The following SRRM4 variants were observed in gnomAD, a reference collection of about 807,000 sequenced individuals.
SRRM4 encodes the protein serine/arginine repetitive matrix protein 4.
A neutral mutation model predicts 68.9 loss-of-function variants in SRRM4; 33 were observed. The observed-to-expected ratio is 0.48, with a 90% CI of 0.36 to 0.64. The LOEUF (loss-of-function observed/expected upper bound fraction) is 0.64, where lower values mean the gene tolerates loss of function less well. SRRM4 is among the 30% of genes least tolerant of loss of function. SRRM4 has a pLI of 0.00. For synonymous variants in SRRM4, 318 were observed against 318.8 expected, an observed-to-expected ratio of 1.00 and a Z score of 0.03; for missense variants, 817 against 827.1, an observed-to-expected ratio of 0.99 and a Z score of 0.15.
intron 5 of SRRM4, among the ~76,000 whole-genome samples, chr12:119,120,904 G>T (rs1228019943): frequency 1.3e-5 from 2 of 152,182 alleles, no homozygotes; most frequent in Non-Finnish European, 2.9e-5. Context: ...GTAGACAGAG[G>T]GTAAGGGGAG....
chr12:119,054,288 A>C (rs192097180), intron 1 of SRRM4, among the ~76,000 whole-genome samples: 1 of 152,230 alleles, frequency 6.6e-6, no homozygotes, highest in Non-Finnish European at 1.5e-5. Flanking sequence ...TCCATGTAAC[A>C]GTAACACTTT....
At chr12:119,096,326 C>A (rs1025553420) in intron 1 of SRRM4, among the ~76,000 whole-genome samples, 1 of 152,036 alleles carries the variant, frequency 6.6e-6, no homozygotes. Context: ...AGCCACCACG[C>A]CCGGCCTCTC....
intron 1 of SRRM4, among the ~76,000 whole-genome samples, chr12:119,031,508 C>T (rs561034474): frequency 1.3e-5 from 2 of 152,238 alleles, no homozygotes; most frequent in Non-Finnish European, 2.9e-5. Context: ...TATTAGGGAT[C>T]ATCTTGGAGT....
At chr12:119,146,885 G>C (rs967722581) in intron 9 of SRRM4, among the ~76,000 whole-genome samples, 1 of 151,574 alleles carries the variant, frequency 6.6e-6, no homozygotes, top group East Asian at 1.9e-4. Context: ...GCAGTGAGCC[G>C]AGATTGCGCC....
intron 4 of SRRM4, among the ~76,000 whole-genome samples, chr12:119,118,698 T>G (rs1954198167): frequency 6.6e-6 from 1 of 152,192 alleles, no homozygotes; most frequent in African/African-American, 2.4e-5. Context: ...GCTGAGCAGC[T>G]CCTCCCAATT....
chr12:119,118,033 G>C (rs1050790386), intron 4 of SRRM4, among the ~76,000 whole-genome samples: 9 of 152,182 alleles, frequency 5.9e-5, no homozygotes, highest in Admixed American at 5.9e-4. Flanking sequence ...CAGTTTTCTA[G>C]TTCCTCTGTA....
chr12:119,046,737 C>G lies in SRRM4; in HGVS notation c.132-55499C>G, dbSNP rs117743656. Among the ~76,000 whole-genome samples, 458 of 152,274 alleles carry G rather than the reference C, an allele frequency of 3.0e-3. 1 individual carries two copies. Among genetic ancestry groups the G allele is most frequent in the Middle Eastern group, 0.014 (4 of 294 alleles). On this transcript the variant is annotated intron_variant, in intron 1 of 12. Coordinates refer to ENST00000267260, the MANE Select transcript of SRRM4 (RefSeq NM_194286.4). Reference sequence around the variant, plus strand: ...TCCAATCTCTCTGAAACATCTTGAACACTGATGATATGGCCCTTATTTAGT... The same window carrying G: ...TCCAATCTCTCTGAAACATCTTGAAGACTGATGATATGGCCCTTATTTAGT...
At chr12:119,148,459 G>A (rs1954417909) in intron 9 of SRRM4, among the ~76,000 whole-genome samples, 1 of 152,164 alleles carries the variant, frequency 6.6e-6, no homozygotes, top group Admixed American at 6.5e-5. Context: ...TATTATGCAG[G>A]AAAAATTGAA....
intron 9 of SRRM4, among the ~76,000 whole-genome samples, chr12:119,147,999 TG>T (rs1291265379): frequency 1.3e-5 from 2 of 152,078 alleles, no homozygotes; most frequent in Non-Finnish European, 2.9e-5. Flanking sequence ...GATTTAAAAA[TG>T]GAACAGTCCT....
intron 1 of SRRM4, among the ~76,000 whole-genome samples, chr12:119,043,390 G>GC (rs147012766): frequency 0.039 from 6,003 of 152,082 alleles, 233 homozygotes; most frequent in East Asian, 0.16. Context: ...TACACCTGGG[G>GC]CCTGTTGGGG....
chr12:119,030,657 A>G (rs1953583353), intron 1 of SRRM4, among the ~76,000 whole-genome samples: 1 of 152,190 alleles, frequency 6.6e-6, no homozygotes, highest in South Asian at 2.1e-4. Flanking sequence ...AATTACAATC[A>G]TATTTTCATT....
At chr12:119,064,093 G>A (rs575855128) in intron 1 of SRRM4, among the ~76,000 whole-genome samples, 2 of 152,216 alleles carry the variant, frequency 1.3e-5, no homozygotes, top group Non-Finnish European at 2.9e-5. Context: ...GGAGCAGGGT[G>A]AGAGCAACTC....
At chr12:119,148,389 A>C (rs1046131021) in intron 9 of SRRM4, among the ~76,000 whole-genome samples, 4 of 152,226 alleles carry the variant, frequency 2.6e-5, no homozygotes, top group Non-Finnish European at 5.9e-5. Flanking sequence ...CTCCAAGAAC[A>C]GGCAGTGAAG....
chr12:119,075,774 TGATGATGATAGC>T (rs1199125473), intron 1 of SRRM4, among the ~76,000 whole-genome samples: 5 of 5,902 alleles, frequency 8.5e-4, no homozygotes, highest in South Asian at 2.8e-3. Context: ...ATGATGGTGG[TGATGATGATAGC>T]GATGATGGTG....
At chr12:119,090,712 A>C (rs1481710358) in intron 1 of SRRM4, among the ~76,000 whole-genome samples, 6 of 152,146 alleles carry the variant, frequency 3.9e-5, no homozygotes, top group Admixed American at 3.9e-4. Context: ...TAACTCACCA[A>C]GTGTCCCTGA....
At chr12:119,047,553 A>G (rs559668882) in intron 1 of SRRM4, among the ~76,000 whole-genome samples, 2 of 152,246 alleles carry the variant, frequency 1.3e-5, no homozygotes, top group Non-Finnish European at 2.9e-5. Flanking sequence ...CCTCATAGTT[A>G]AGCTCGCATT....
At chr12:119,148,849 T>C (rs12318376) in intron 9 of SRRM4, among the ~76,000 whole-genome samples, 4,204 of 152,306 alleles carry the variant, frequency 0.028, 208 homozygotes, top group African/African-American at 0.097. Flanking sequence ...GTCATGCCAC[T>C]TATGAGCAGA....
chr12:118,988,823 G>A (rs1008769485), intron 1 of SRRM4, among the ~76,000 whole-genome samples: 2 of 152,162 alleles, frequency 1.3e-5, no homozygotes, highest in African/African-American at 4.8e-5. Context: ...GAACAATAAA[G>A]CCAAGGAAAG....
chr12:119,015,891 T>A (rs1953477933), intron 1 of SRRM4, among the ~76,000 whole-genome samples: 1 of 152,176 alleles, frequency 6.6e-6, no homozygotes, highest in Non-Finnish European at 1.5e-5. Context: ...CCATCTCTGA[T>A]GACCTGTAGT....
Sources: gnomAD v4.1 joint callset for allele counts (sites outside exome capture counted in the v4.1 genomes callset) on GRCh38, gnomAD v4.1.1 for gene constraint, MANE v1.5 for transcripts, NCBI Gene and HGNC (gene_info 2026-07-23, HGNC 2026-07-21) for gene names.